The following EXOC4 variants were observed in gnomAD, a reference collection of about 807,000 sequenced individuals.
EXOC4 encodes exocyst complex component 4, also known as SEC8-like 1.
Under a neutral mutation model 107.2 loss-of-function variants are expected in EXOC4, and 71 were observed. The observed-to-expected ratio is 0.66, with a 90% CI of 0.55 to 0.81. EXOC4 has a LOEUF of 0.81. Ranked by LOEUF, EXOC4 falls within the 30% of genes least tolerant of loss-of-function variation. EXOC4 has a pLI of 0.00. For synonymous variants in EXOC4, 456 were observed against 441.2 expected (o/e 1.03, Z -0.42); for missense variants, 1,108 against 1,189.6 (o/e 0.93, Z 1.01).
chr7:133,359,029 A>G (rs1236651013), intron 6 of EXOC4, among the ~76,000 whole-genome samples: 2 of 152,236 alleles, frequency 1.3e-5, no homozygotes, highest in Non-Finnish European at 2.9e-5. Context: ...GGCTGTATGT[A>G]TAAACATAAT....
At chr7:133,424,160 C>A (rs1230699591) in intron 7 of EXOC4, among the ~76,000 whole-genome samples, 2 of 152,256 alleles carry the variant, frequency 1.3e-5, no homozygotes, top group Non-Finnish European at 2.9e-5. Flanking sequence ...CCAACAGCAA[C>A]CTGGTGGGGT....
intron 17 of EXOC4, among the ~76,000 whole-genome samples, chr7:134,037,497 T>C (rs1287639023): frequency 6.6e-6 from 1 of 152,204 alleles, no homozygotes; most frequent in Non-Finnish European, 1.5e-5. Flanking sequence ...AGATGTATTA[T>C]CTGAATTCGT....
intron 9 of EXOC4, among the ~76,000 whole-genome samples, chr7:133,575,742 A>T (rs1321801098): frequency 6.6e-6 from 1 of 152,170 alleles, no homozygotes; most frequent in Non-Finnish European, 1.5e-5. Flanking sequence ...GTGGTATACA[A>T]TTCAGAAATA....
intron 9 of EXOC4, among the ~76,000 whole-genome samples, chr7:133,574,808 T>A (rs1303664034): frequency 6.6e-6 from 1 of 152,226 alleles, no homozygotes; most frequent in Non-Finnish European, 1.5e-5. Flanking sequence ...ATCCGAAAAG[T>A]TGTCACCTGC....
intron 7 of EXOC4, among the ~76,000 whole-genome samples, chr7:133,407,098 G>T (rs1797237504): frequency 6.6e-6 from 1 of 152,132 alleles, no homozygotes; most frequent in African/African-American, 2.4e-5. Flanking sequence ...GAATCCTGCT[G>T]TGTCGGTTTA....
At position 134,011,575 on chromosome 7, in the gene EXOC4, G is replaced by A. The variant is rs550773048; in HGVS notation, c.2687+3740G>A. On this transcript the variant is annotated intron_variant, in intron 17 of 17. Transcript: ENST00000253861. The stretch of plus-strand genomic sequence containing the variant: ...TAAGGAAACAAAAGCTACGATTCGG[G>A]AAGCGGTAGGGCGAAAAATTGTAAC... 1.2e-4 allele frequency among the ~76,000 whole-genome samples: 18 copies of A among 152,016 alleles called. 1 individual carries two copies. The South Asian group carries it at 3.5e-3, about 30-fold the overall frequency.
chr7:133,971,365 G>T (rs201266686), intron 14 of EXOC4, among the ~76,000 whole-genome samples: 16,070 of 56,474 alleles, frequency 0.28, 1,194 homozygotes, highest in East Asian at 0.37. Flanking sequence ...TATATATAGA[G>T]AGAGAGAGAG....
intron 14 of EXOC4, among the ~76,000 whole-genome samples, chr7:133,950,726 C>T (rs1000213337): frequency 3.3e-5 from 5 of 152,192 alleles, no homozygotes; most frequent in African/African-American, 1.2e-4. Flanking sequence ...AAGCATCAAA[C>T]AGAAATAGCA....
chr7:133,552,930 A>G (rs1800619824), intron 9 of EXOC4, among the ~76,000 whole-genome samples: 1 of 152,152 alleles, frequency 6.6e-6, no homozygotes, highest in Non-Finnish European at 1.5e-5. Flanking sequence ...TTGGTGCATT[A>G]ATAAAGGAAG....
chr7:133,811,864 G>A (rs1412997290), intron 10 of EXOC4, among the ~76,000 whole-genome samples: 1 of 152,138 alleles, frequency 6.6e-6, no homozygotes, highest in African/African-American at 2.4e-5. Flanking sequence ...TTATGTCCTA[G>A]TTTCAGGAAC....
chr7:133,954,359 G>T (rs1800766078), intron 14 of EXOC4, among the ~76,000 whole-genome samples: 1 of 152,174 alleles, frequency 6.6e-6, no homozygotes, highest in African/African-American at 2.4e-5. Flanking sequence ...AAGTGTATGT[G>T]TGCCTTGAAA....
At chr7:133,865,625 G>A (rs1017502832) in intron 11 of EXOC4, among the ~76,000 whole-genome samples, 12 of 152,170 alleles carry the variant, frequency 7.9e-5, no homozygotes, top group African/African-American at 2.9e-4. Flanking sequence ...CAGTTCCATA[G>A]GCTGTACAGG....
rs557716431 is a variant in EXOC4 at position 133,565,765 on chromosome 7, G to A, written c.1418-64280G>A. ...TTTTGTTTTTGTTTGACTAAATCTG[G>A]AAAACTGAGTCTAGGGTGGGGCAGT... On this transcript the variant is annotated intron_variant, in intron 9 of 17. Transcript: ENST00000253861. Among the ~76,000 whole-genome samples the A allele has an allele frequency of 2.0e-5, 3 of 152,076 alleles. No individual in the cohort carries two copies. In the South Asian group the frequency reaches 6.2e-4, roughly 32 times the overall value.
intron 3 of EXOC4, among the ~76,000 whole-genome samples, chr7:133,299,111 T>A (rs1794586762): frequency 6.6e-6 from 1 of 152,194 alleles, no homozygotes; most frequent in South Asian, 2.1e-4. Flanking sequence ...TTGCATCAGA[T>A]GAGTGACAAT....
chr7:133,693,743 A>G (rs969741588), intron 10 of EXOC4, among the ~76,000 whole-genome samples: 1 of 152,192 alleles, frequency 6.6e-6, no homozygotes, highest in East Asian at 1.9e-4. Context: ...TAGCCTCCGT[A>G]GTCCCTGGCA....
chr7:133,576,935 C>T, intron 9 of EXOC4: 1 of 1,166,992 alleles, frequency 8.6e-7, no homozygotes, highest in Non-Finnish European at 1.1e-6. Context: ...TTATTCACTG[C>T]ATGTGTGTAT....
chr7:133,903,158 G>T lies in EXOC4; in HGVS notation c.1871+7423G>T, dbSNP rs1017541472. Among the ~76,000 whole-genome samples the T allele has an allele frequency of 3.9e-5, 6 of 152,212 alleles. No individual in the cohort carries two copies. The South Asian group carries it at 1.2e-3, about 31-fold the overall frequency. ...GGTTGGAGTAAAGTGAGCGAGAGGA[G>T]GAAGGGTATTGAAGGATCACCAAGA... On this transcript the variant is annotated intron_variant, in intron 12 of 17. Transcript: ENST00000253861.
intron 10 of EXOC4, among the ~76,000 whole-genome samples, chr7:133,662,532 T>C (rs1446141670): frequency 1.3e-5 from 2 of 152,106 alleles, no homozygotes; most frequent in African/African-American, 4.8e-5. Flanking sequence ...TTTGGATTAG[T>C]TTATTCCATG....
intron 9 of EXOC4, among the ~76,000 whole-genome samples, chr7:133,629,133 G>A (rs1802525708): frequency 6.6e-6 from 1 of 152,038 alleles, no homozygotes; most frequent in East Asian, 1.9e-4. Context: ...ATTTGTTTAT[G>A]TAAAAAGCCA....
Sources: allele counts gnomAD v4.1 joint callset (sites outside exome capture counted in the v4.1 genomes callset), GRCh38; gene constraint gnomAD v4.1.1; transcripts MANE v1.5; gene names NCBI Gene and HGNC (gene_info 2026-07-23, HGNC 2026-07-21).